TEX11: variants seen among roughly 807,000 people sequenced by gnomAD.
The protein encoded by TEX11 is testis expressed 11, also known as testis-expressed protein 11.
Under a neutral mutation model 84.4 loss-of-function variants are expected in TEX11, and 7 were observed. The ratio of observed to expected loss-of-function variants is 0.08; its 90% confidence interval spans 0.05 to 0.16. TEX11 has a LOEUF of 0.16. TEX11 is among the 10% of genes least tolerant of loss of function. The pLI is 1.00. For missense variants in TEX11, 551 were observed against 660.5 expected (o/e 0.83, Z 1.82); for synonymous variants, 264 against 222.8 (o/e 1.18, Z -1.64).
At chrX:70,719,761 G>A (rs1304427594) in intron 13 of TEX11, among the ~76,000 whole-genome samples, 2 of 111,361 alleles carry the variant, frequency 1.8e-5, no homozygotes, top group Non-Finnish European at 1.9e-5. Flanking sequence ...CAAAAGATAC[G>A]TGAAAAAATG....
intron 7 of TEX11, among the ~76,000 whole-genome samples, chrX:70,839,428 C>T (rs1052421956): frequency 5.4e-5 from 6 of 111,880 alleles, no homozygotes; most frequent in African/African-American, 9.7e-5. Context: ...CAGCTGAGGG[C>T]CCTGTCTGTT....
At chrX:70,513,550 G>A in the TEX11 span, among the ~76,000 whole-genome samples, 1 of 106,405 alleles carries the variant, frequency 9.4e-6, no homozygotes. Context: ...GAGTGCAGTG[G>A]CTATTCACAG....
At chrX:70,656,113 G>GTGTATA (rs1556009833) in intron 16 of TEX11, among the ~76,000 whole-genome samples, 1 of 101,383 alleles carries the variant, frequency 9.9e-6, no homozygotes, top group Non-Finnish European at 2.0e-5. Context: ...AGGTAGCTGT[G>GTGTATA]TATATATATA....
chrX:70,890,078 GGGAT>G (rs1172903826), intron 2 of TEX11, among the ~76,000 whole-genome samples: 1 of 111,245 alleles, frequency 9.0e-6, no homozygotes, highest in Non-Finnish European at 1.9e-5. Context: ...TGAAAATAAA[GGGAT>G]GGAAAGATAT....
At chrX:70,823,394 T>C (rs1051795491) in intron 8 of TEX11, among the ~76,000 whole-genome samples, 1 of 110,844 alleles carries the variant, frequency 9.0e-6, no homozygotes, top group Non-Finnish European at 1.9e-5. Context: ...TCTAAGAGAC[T>C]ATATCTTAAG....
At chrX:70,658,396 G>A (rs1218695280) in intron 16 of TEX11, among the ~76,000 whole-genome samples, 1 of 111,262 alleles carries the variant, frequency 9.0e-6, no homozygotes, top group Non-Finnish European at 1.9e-5. Flanking sequence ...CAGCCTGGGC[G>A]ACAGAGCGAG....
At chrX:70,513,144 G>A in the TEX11 span, among the ~76,000 whole-genome samples, 66 of 107,674 alleles carry the variant, frequency 6.1e-4, no homozygotes, top group Admixed American at 6.2e-3. Flanking sequence ...ACCTGAGGTC[G>A]GGAGTTCAAG....
chrX:70,812,677 C>A (rs1323950787), intron 8 of TEX11, among the ~76,000 whole-genome samples: 1 of 110,175 alleles, frequency 9.1e-6, no homozygotes, highest in African/African-American at 3.3e-5. Flanking sequence ...TTGAAAAGAT[C>A]AACAAAATTG....
intron 17 of TEX11, among the ~76,000 whole-genome samples, chrX:70,648,063 C>T (rs753609632): frequency 8.9e-6 from 1 of 112,007 alleles, no homozygotes; most frequent in Admixed American, 9.5e-5. Flanking sequence ...CACATATACA[C>T]CATGGAATAT....
At chrX:70,584,703 T>C (rs1374452434) in intron 25 of TEX11, among the ~76,000 whole-genome samples, 7 of 112,027 alleles carry the variant, frequency 6.2e-5, no homozygotes, top group Admixed American at 5.7e-4. Flanking sequence ...TACAATCTGA[T>C]TAGGTGTGAT....
chrX:70,702,090 T>C (rs2090330508), intron 13 of TEX11, among the ~76,000 whole-genome samples: 1 of 111,978 alleles, frequency 8.9e-6, no homozygotes, highest in African/African-American at 3.2e-5. Flanking sequence ...GATAAAGCAG[T>C]GGCAGGGTTT....
intron 7 of TEX11, 105 bp from the exon 8 acceptor site, chrX:70,833,698 T>G (rs2091389977): frequency 1.6e-6 from 1 of 612,943 alleles, no homozygotes; most frequent in Non-Finnish European, 2.5e-6. Context: ...CTTATTTTGT[T>G]TTCTAATATT....
intron 5 of TEX11, among the ~76,000 whole-genome samples, chrX:70,854,864 G>A (rs1004698255): frequency 7.5e-5 from 8 of 106,582 alleles, no homozygotes; most frequent in East Asian, 3.0e-4. Context: ...TGGGCAATAC[G>A]GTGAGACCCC....
chrX:70,840,598 C>T (rs1349465071), intron 7 of TEX11, among the ~76,000 whole-genome samples: 1 of 111,486 alleles, frequency 9.0e-6, no homozygotes, highest in African/African-American at 3.3e-5. Context: ...CAGCTAACAT[C>T]ATAATGACAG....
intron 7 of TEX11, among the ~76,000 whole-genome samples, chrX:70,833,854 C>T (rs1395455720): frequency 9.0e-6 from 1 of 111,345 alleles, no homozygotes; most frequent in Non-Finnish European, 1.9e-5. Flanking sequence ...GGTTGTACTG[C>T]CTTATGTTAT....
intron 20 of TEX11, among the ~76,000 whole-genome samples, chrX:70,620,088 T>C (rs2089366639): frequency 9.0e-6 from 1 of 111,226 alleles, no homozygotes; most frequent in Non-Finnish European, 1.9e-5. Flanking sequence ...CCTCCCAAAG[T>C]GCTGGGATTA....
intron 25 of TEX11, among the ~76,000 whole-genome samples, chrX:70,585,476 A>G (rs2088841705): frequency 8.9e-6 from 1 of 112,155 alleles, no homozygotes; most frequent in African/African-American, 3.2e-5. Flanking sequence ...AAATTCCACC[A>G]GCCTCTTTTT....
At chrX:70,624,134 A>C (rs183220531) in intron 19 of TEX11, 128 bp from the exon 20 acceptor site, 7 of 337,895 alleles carry the variant, frequency 2.1e-5, no homozygotes, top group African/African-American at 1.6e-4. Context: ...GGTAAAGGGG[A>C]GATTAATCTT....
intron 9 of TEX11, among the ~76,000 whole-genome samples, chrX:70,792,976 A>G (rs1404200730): frequency 1.8e-5 from 2 of 111,812 alleles, no homozygotes; most frequent in African/African-American, 6.5e-5. Flanking sequence ...CCAGCAACAC[A>G]TTAAAAAGTT....
Sources: gnomAD v4.1 joint callset for allele counts (sites outside exome capture counted in the v4.1 genomes callset) on GRCh38, gnomAD v4.1.1 for gene constraint, MANE v1.5 for transcripts, NCBI Gene and HGNC (gene_info 2026-07-23, HGNC 2026-07-21) for gene names.